Variants in AHDC1 observed in about 807,000 individuals in gnomAD.
AHDC1 encodes the protein AT-hook DNA binding motif containing 1, also known as transcription factor Gibbin.
A neutral mutation model predicts 87.9 loss-of-function variants in AHDC1; 7 were observed. That is an observed-to-expected ratio of 0.08 (90% CI 0.05 to 0.15). The LOEUF (loss-of-function observed/expected upper bound fraction) is 0.15, where lower values mean the gene tolerates loss of function less well. AHDC1 is among the 10% of genes least tolerant of loss of function. AHDC1 has a pLI of 1.00. For synonymous variants in AHDC1, 1,051 were observed against 1,006.8 expected, an observed-to-expected ratio of 1.04 and a Z score of -0.83; for missense variants, 1,841 against 2,253.2, an observed-to-expected ratio of 0.82 and a Z score of 3.70.
intron 3 of AHDC1, among the ~76,000 whole-genome samples, chr1:27,581,965 TCA>T (rs1043583562): frequency 5.3e-4 from 81 of 152,266 alleles, no homozygotes; most frequent in African/African-American, 1.9e-3. Flanking sequence ...CTTTGCTCAA[TCA>T]CACAGTGTCT....
chr1:27,540,550 A>G (rs1025034266), intron 8 of AHDC1, among the ~76,000 whole-genome samples: 8 of 152,096 alleles, frequency 5.3e-5, no homozygotes, highest in Non-Finnish European at 1.2e-4. Flanking sequence ...TCACGGATGC[A>G]GAGAGGGTGA....
chr1:27,578,416 CCAT>C (rs1184798030), intron 3 of AHDC1, among the ~76,000 whole-genome samples: 4 of 151,756 alleles, frequency 2.6e-5, no homozygotes, highest in Admixed American at 6.6e-5. Flanking sequence ...CGGTGACACC[CCAT>C]CTCTACAAAA....
rs1309023454 is a variant in AHDC1, at chr1:27,568,591, G to A, written c.-628-9708C>T. Among the ~76,000 whole-genome samples the A allele has an allele frequency of 2.6e-5, 4 of 152,130 alleles. 1 individual carries two copies. In the South Asian group the frequency reaches 6.2e-4, roughly 24 times the overall value. Reference sequence around the variant, plus strand: ...ACACCAGGAGCGGTGCCCGCGAGGGGGCGGGCCGCGCGGGCCGGGCTCCCG... The same window carrying A: ...ACACCAGGAGCGGTGCCCGCGAGGGAGCGGGCCGCGCGGGCCGGGCTCCCG... On this transcript the variant is annotated intron_variant, in intron 3 of 8. Transcript: ENST00000673934.
intron 3 of AHDC1, among the ~76,000 whole-genome samples, chr1:27,572,391 G>C (rs1365632758): frequency 6.6e-6 from 1 of 152,072 alleles, no homozygotes; most frequent in African/African-American, 2.4e-5. Context: ...CCCAAAACAT[G>C]GCCAGGATTC....
At chr1:27,552,230 T>A in intron 7 of AHDC1, 41 bp from the exon 8 acceptor site, 1 of 1,396,238 alleles carries the variant, frequency 7.2e-7, no homozygotes, top group East Asian at 2.6e-5. Context: ...ACTGAACACC[T>A]ACATCCTCAT....
chr1:27,577,943 CCAGCCCA>C (rs1179841591), intron 3 of AHDC1, among the ~76,000 whole-genome samples: 1 of 152,198 alleles, frequency 6.6e-6, no homozygotes, highest in Non-Finnish European at 1.5e-5. Flanking sequence ...CCCTGACTCC[CCAGCCCA>C]CAGCCCAGAT....
intron 3 of AHDC1, among the ~76,000 whole-genome samples, chr1:27,569,770 A>G (rs764338313): frequency 2.0e-5 from 3 of 152,052 alleles, no homozygotes; most frequent in Non-Finnish European, 2.9e-5. Context: ...AAGCACTGCC[A>G]TATTGGTTGG....
In AHDC1 at chr1:27,551,130, A is replaced by C; in HGVS notation, c.986T>G (p.Leu329Arg). 1 of 1,594,904 alleles carries C rather than the reference A, an allele frequency of 6.3e-7. No individual in the cohort carries two copies. The highest frequency in any genetic ancestry group is 1.1e-5 in the South Asian group (1 of 89,620). ...CAGGGGGTCGAGTGCCTGGGGGTCA[A>C]GCAGCTGCGACTCCAAGGAGTCAGG... ...TLPDSLESQL[L>R]DPQALDPLPK... Residue 329 changes from leucine to arginine, a missense_variant, in exon 8 of 9, where the codon CTT becomes CGT. Transcript: ENST00000673934.
chr1:27,543,255 C>CA (rs1380971607), intron 8 of AHDC1, among the ~76,000 whole-genome samples: 1 of 152,228 alleles, frequency 6.6e-6, no homozygotes, highest in Non-Finnish European at 1.5e-5. Flanking sequence ...CATACCCTCC[C>CA]ACCCCTGTCC....
In AHDC1 at chr1:27,547,543, G is replaced by C. The variant is rs943215779; in HGVS notation, c.4573C>G (p.Pro1525Ala). ...GCAGCAGGGCCACGGGGTGGGCCAG[G>C]GGGCCGGGCCATTTCCAGTGGCTCC... ...DKEPLEMARP[P>A]GPPRGPAAAA... The change falls in exon 8 of 9, where the codon CCT becomes GCT. Residue 1525 changes from proline to alanine, a missense_variant. Pro to Ala is a conservative substitution (Grantham distance 27). Transcript: ENST00000673934. The surrounding 1 kb of genome is among the most constrained non-coding windows in gnomAD (Gnocchi z 4.9). 6.2e-7 allele frequency: 1 copy of C among 1,611,202 alleles called. No individual in the cohort carries two copies. The highest frequency in any genetic ancestry group is 1.7e-5 in the Admixed American group (1 of 59,856).
In AHDC1 at chr1:27,556,771, G is replaced by A. The variant is rs1415737376; in HGVS notation, c.-225+1534C>T. Among the ~76,000 whole-genome samples, 5 of 152,070 alleles carry A rather than the reference G, an allele frequency of 3.3e-5. No homozygotes were observed. In the South Asian group the frequency reaches 8.3e-4, roughly 25 times the overall value. On this transcript the variant is annotated intron_variant, in intron 5 of 8. Coordinates refer to ENST00000673934, the MANE Select transcript of AHDC1 (RefSeq NM_001371928.1). ...CTTCTTTGGTGTCCAGAGATTCAGC[G>A]CCCTCCCCTGCAGCCTCCTACAACG...
rs10623052 is a variant in AHDC1 at position 27,560,200 on chromosome 1, T to TTGTGTGTGTG, written c.-628-1327_-628-1318dup. 6.7e-6 allele frequency among the ~76,000 whole-genome samples: 1 copy of TTGTGTGTGTG among 148,424 alleles called. No individual in the cohort carries two copies. Among genetic ancestry groups the TTGTGTGTGTG allele is most frequent in the African/African-American group, 2.5e-5 (1 of 40,350 alleles). ...CTTTTCACGTTTATTTCTATTCGTTTTGTGTGTGTGTGTGTGTGTGTGTGA... is the reference window on the plus strand; with the variant it reads ...CTTTTCACGTTTATTTCTATTCGTTTTGTGTGTGTGTGTGTGTGTGTGTGTGTGTGTGTGA... On this transcript the variant is annotated intron_variant, in intron 3 of 8. Coordinates refer to ENST00000673934, the MANE Select transcript of AHDC1 (RefSeq NM_001371928.1). The surrounding 1 kb of genome is among the most constrained non-coding windows in gnomAD (Gnocchi z 4.1).
At position 27,548,193 on chromosome 1, in the gene AHDC1, T is replaced by C. The variant is rs755844195; in HGVS notation, c.3923A>G (p.Asp1308Gly). 2 of 1,613,706 alleles carry C rather than the reference T, an allele frequency of 1.2e-6. No individual in the cohort carries two copies. The highest frequency in any genetic ancestry group is 1.7e-6 in the Non-Finnish European group (2 of 1,180,032). Residue 1308 changes from aspartate (D) to glycine (G), a missense_variant, in exon 8 of 9, where the codon GAC becomes GGC. This residue lies in a region of AHDC1 where 505 missense variants were observed against 626.2 expected (regional missense o/e 0.81). Coordinates refer to ENST00000673934, the MANE Select transcript of AHDC1 (RefSeq NM_001371928.1). ...KPQPVNPLFQDSPDLGLDYYS... is the reference protein window; with the variant it reads ...KPQPVNPLFQGSPDLGLDYYS... ...GTAGTCCAGGCCGAGGTCAGGACTG[T>C]CCTGGAACAGTGGGTTGACTGGCTG...
Position 27,536,288 on chromosome 1 carries a change from G to A in AHDC1, c.*44-1372C>T, listed in dbSNP as rs549209592. 8.5e-5 allele frequency among the ~76,000 whole-genome samples: 13 copies of A among 152,370 alleles called. No individual in the cohort carries two copies. In the East Asian group the frequency reaches 2.5e-3, roughly 29 times the overall value. On this transcript the variant is annotated intron_variant, in intron 8 of 8. Coordinates refer to ENST00000673934, the MANE Select transcript of AHDC1 (RefSeq NM_001371928.1). ...TTGCCAGGACTCCCCCAAGGTCCAG[G>A]GGAACCAGGTGGGCTCCTGCAGAGG...
rs138299564 is a variant in AHDC1 at position 27,549,678 on chromosome 1, C to T, written c.2438G>A (p.Arg813His). 191 of 1,613,096 alleles carry T rather than the reference C, an allele frequency of 1.2e-4. 2 individuals carry two copies. The Middle Eastern group carries it at 4.0e-3, about 33-fold the overall frequency. ...TGCACCCGTGCTGTAGTAGCTGCCA[C>T]GGCCTGAGGCTCCACTCTCCAGCCC... The part of the protein sequence containing the change: ...STGLESGASG[R>H]GSYYSTGAPS... The change falls in exon 8 of 9, where the codon CGT (arginine) becomes CAT (histidine). Residue 813 changes from arginine (R) to histidine (H), a missense_variant. Physicochemically the swap from Arg to His is conservative, Grantham distance 29. Coordinates refer to ENST00000673934, the MANE Select transcript of AHDC1 (RefSeq NM_001371928.1).
In AHDC1 at chr1:27,595,469, T is replaced by TGA. The variant is rs1553166102; in HGVS notation, c.-629+7926_-629+7927dup. Among the ~76,000 whole-genome samples, 2 of 150,984 alleles carry TGA rather than the reference T, an allele frequency of 1.3e-5. No individual in the cohort carries two copies. The highest frequency in any genetic ancestry group is 6.6e-5 in the Admixed American group (1 of 15,168). On this transcript the variant is annotated intron_variant, in intron 3 of 8. Transcript: ENST00000673934. The surrounding 1 kb of genome is among the most constrained non-coding windows in gnomAD (Gnocchi z 4.0). Reference sequence around the variant, plus strand: ...TGATAGCTGTGTGTGTGTGTGTGTGTGATTGTGTGTGTGTTGGGGTGTTTA... The same window carrying TGA: ...TGATAGCTGTGTGTGTGTGTGTGTGTGAGATTGTGTGTGTGTTGGGGTGTTTA...
At chr1:27,596,583 C>T (rs2089377801) in intron 3 of AHDC1, among the ~76,000 whole-genome samples, 1 of 152,084 alleles carries the variant, frequency 6.6e-6, no homozygotes, top group South Asian at 2.1e-4. Context: ...TGCTCCAATC[C>T]AGGCAACAGG....
At chr1:27,555,680 T>C (rs2019784318) in intron 5 of AHDC1, among the ~76,000 whole-genome samples, 1 of 152,236 alleles carries the variant, frequency 6.6e-6, no homozygotes, top group Non-Finnish European at 1.5e-5. Flanking sequence ...CCGTGGCTCC[T>C]GGCACCCACT....
At chr1:27,596,266 C>T (rs1390701955) in intron 3 of AHDC1, among the ~76,000 whole-genome samples, 5 of 152,034 alleles carry the variant, frequency 3.3e-5, no homozygotes, top group Non-Finnish European at 7.4e-5. Context: ...GGGGCAGCAG[C>T]GGATCCAAGC....
Sources: allele counts gnomAD v4.1 joint callset (sites outside exome capture counted in the v4.1 genomes callset), GRCh38; gene constraint gnomAD v4.1.1; regional missense constraint gnomAD v4.1.1; non-coding constraint Gnocchi (gnomAD v3.1); transcripts MANE v1.5; gene names NCBI Gene and HGNC (gene_info 2026-07-23, HGNC 2026-07-21).